OPHN1: variants seen among roughly 807,000 people sequenced by gnomAD.
OPHN1 encodes oligophrenin 1.
OPHN1 carries 11 observed loss-of-function variants against 60.7 expected under a neutral mutation model. The ratio of observed to expected loss-of-function variants is 0.18; its 90% confidence interval spans 0.11 to 0.30. The LOEUF is 0.30. Among genes scored for constraint, OPHN1 ranks in the 10% least tolerant of loss-of-function variants. The pLI, the probability that OPHN1 is intolerant of heterozygous loss-of-function variation, is 1.00. For synonymous variants in OPHN1, 226 were observed against 222.6 expected, an observed-to-expected ratio of 1.02 and a Z score of -0.14; for missense variants, 449 against 611.0, an observed-to-expected ratio of 0.73 and a Z score of 2.80.
chrX:68,108,680 T>A lies in OPHN1; in HGVS notation c.1526+3174A>T, dbSNP rs185123620. ...TTGCTCTTCTTGTTTCTAGAGTACA[T>A]CTCATTAAGGATGAGTCAGAGGACT... is the stretch of plus-strand genomic sequence containing the variant. On this transcript the variant is annotated intron_variant, in intron 18 of 24. Transcript: ENST00000355520. 1.2e-4 allele frequency among the ~76,000 whole-genome samples: 13 copies of A among 111,789 alleles called. No homozygotes were observed. The East Asian group carries it at 3.7e-3, about 31-fold the overall frequency.
intron 15 of OPHN1, among the ~76,000 whole-genome samples, chrX:68,187,923 A>G (rs927880674): frequency 1.1e-4 from 12 of 111,983 alleles, no homozygotes; most frequent in Non-Finnish European, 2.3e-4. Context: ...CACCGTGCCC[A>G]GCCAAATATG....
intron 3 of OPHN1, among the ~76,000 whole-genome samples, chrX:68,289,460 C>T (rs771174705): frequency 3.9e-4 from 44 of 112,119 alleles, no homozygotes; most frequent in Non-Finnish European, 7.5e-4. Flanking sequence ...CACTGTCTTC[C>T]AAACAATTGT....
intron 2 of OPHN1, among the ~76,000 whole-genome samples, chrX:68,402,180 G>C (rs2078717872): frequency 9.0e-6 from 1 of 110,511 alleles, no homozygotes; most frequent in African/African-American, 3.3e-5. Context: ...GAAAGGTGGA[G>C]ACGAATGCAA....
intron 5 of OPHN1, among the ~76,000 whole-genome samples, chrX:68,269,892 G>GA (rs1160955262): frequency 1.8e-5 from 2 of 111,336 alleles, no homozygotes; most frequent in Non-Finnish European, 3.8e-5. Flanking sequence ...AAATTTACAA[G>GA]AAAAAAACAA....
chrX:68,080,472 A>T (rs769358275), intron 19 of OPHN1, among the ~76,000 whole-genome samples: 1 of 112,205 alleles, frequency 8.9e-6, no homozygotes, highest in Non-Finnish European at 1.9e-5. Context: ...ACTGAATGGT[A>T]GCTGGGCACC....
chrX:68,244,376 T>A (rs973427083), intron 5 of OPHN1, among the ~76,000 whole-genome samples: 1 of 112,249 alleles, frequency 8.9e-6, no homozygotes, highest in African/African-American at 3.2e-5. Context: ...TTTGTTGCAA[T>A]CTGAAATTAT....
intron 5 of OPHN1, among the ~76,000 whole-genome samples, chrX:68,246,574 G>C (rs183067632): frequency 8.9e-6 from 1 of 111,931 alleles, no homozygotes; most frequent in East Asian, 2.8e-4. Flanking sequence ...CCATGGTCTT[G>C]TGGTTAGAAT....
chrX:68,186,619 C>G (rs1436158500), intron 15 of OPHN1, among the ~76,000 whole-genome samples: 1 of 111,561 alleles, frequency 9.0e-6, no homozygotes, highest in Non-Finnish European at 1.9e-5. Context: ...AACATGGTAT[C>G]TTAGTCATTT....
chrX:68,273,247 G>T (rs1280920051), intron 5 of OPHN1, among the ~76,000 whole-genome samples: 1 of 111,751 alleles, frequency 8.9e-6, no homozygotes, highest in Non-Finnish European at 1.9e-5. Context: ...CAAACTGATT[G>T]TCATCATATT....
intron 15 of OPHN1, among the ~76,000 whole-genome samples, chrX:68,186,338 C>T (rs1046529043): frequency 9.0e-6 from 1 of 110,551 alleles, no homozygotes; most frequent in African/African-American, 3.3e-5. Flanking sequence ...TAACCTGGCT[C>T]AAAATGGGGG....
chrX:68,174,607 G>A (rs1321628002), intron 15 of OPHN1, among the ~76,000 whole-genome samples: 1 of 107,735 alleles, frequency 9.3e-6, no homozygotes, highest in Non-Finnish European at 1.9e-5. Flanking sequence ...AGGCAGTTGG[G>A]ACTATAAGCC....
At chrX:68,192,833 T>C in intron 15 of OPHN1, 86 bp downstream of exon 15, 1 of 765,153 alleles carries the variant, frequency 1.3e-6, no homozygotes, top group Non-Finnish European at 2.0e-6. Flanking sequence ...TACCACATTT[T>C]AGCAGTGTCT....
intron 4 of OPHN1, among the ~76,000 whole-genome samples, chrX:68,279,402 C>T (rs763907910): frequency 9.1e-6 from 1 of 109,331 alleles, no homozygotes; most frequent in South Asian, 4.0e-4. Flanking sequence ...TGAGCCACCG[C>T]ACCCAGCCCC....
At chrX:68,169,387 A>G (rs1337837402) in intron 15 of OPHN1, among the ~76,000 whole-genome samples, 1 of 111,191 alleles carries the variant, frequency 9.0e-6, no homozygotes, top group Non-Finnish European at 1.9e-5. Context: ...TGCCATCCCC[A>G]TCAAGCTACC....
At chrX:68,081,497 T>C (rs1430112767) in intron 19 of OPHN1, among the ~76,000 whole-genome samples, 2 of 111,882 alleles carry the variant, frequency 1.8e-5, no homozygotes, top group Non-Finnish European at 3.8e-5. Context: ...TAGTGTGGAT[T>C]TGGTTCCAGA....
At chrX:68,372,376 C>A (rs1001584560) in intron 2 of OPHN1, among the ~76,000 whole-genome samples, 5 of 111,385 alleles carry the variant, frequency 4.5e-5, no homozygotes, top group Non-Finnish European at 9.4e-5. Context: ...TGCCACTGAT[C>A]TGTATACTTA....
At chrX:68,181,538 C>T (rs1260644967) in intron 15 of OPHN1, among the ~76,000 whole-genome samples, 1 of 111,374 alleles carries the variant, frequency 9.0e-6, no homozygotes, top group Non-Finnish European at 1.9e-5. Context: ...AATTTGGCAT[C>T]CCTAGGCCAG....
At chrX:68,239,606 T>C (rs2077770830) in intron 5 of OPHN1, among the ~76,000 whole-genome samples, 1 of 110,943 alleles carries the variant, frequency 9.0e-6, no homozygotes, top group South Asian at 3.8e-4. Flanking sequence ...AAAATAATAT[T>C]AACTTTGGCA....
chrX:68,319,629 G>C (rs1295666935), intron 2 of OPHN1, among the ~76,000 whole-genome samples: 3 of 110,239 alleles, frequency 2.7e-5, no homozygotes, highest in Admixed American at 9.9e-5. Flanking sequence ...CCAGCTACTC[G>C]AGAGGCTGAG....
Sources: allele counts gnomAD v4.1 joint callset (sites outside exome capture counted in the v4.1 genomes callset), GRCh38; gene constraint gnomAD v4.1.1; transcripts MANE v1.5; gene names NCBI Gene and HGNC (gene_info 2026-07-23, HGNC 2026-07-21).